The following PDE7A variants were observed in gnomAD, a reference collection of about 807,000 sequenced individuals.
The protein encoded by PDE7A is phosphodiesterase 7A.
Under a neutral mutation model 64.3 loss-of-function variants are expected in PDE7A, and 39 were observed. The observed-to-expected ratio is 0.61, with a 90% CI of 0.47 to 0.79. The LOEUF (loss-of-function observed/expected upper bound fraction) is 0.79. Among genes scored for constraint, PDE7A ranks in the 30% least tolerant of loss-of-function variants. PDE7A has a pLI of 0.00. For synonymous variants in PDE7A, 203 were observed against 206.8 expected, an observed-to-expected ratio of 0.98 and a Z score of 0.16; for missense variants, 470 against 582.8, an observed-to-expected ratio of 0.81 and a Z score of 1.99.
intron 4 of PDE7A, among the ~76,000 whole-genome samples, chr8:65,746,414 C>A (rs1807680292): frequency 6.6e-6 from 1 of 152,070 alleles, no homozygotes; most frequent in Non-Finnish European, 1.5e-5. Flanking sequence ...TTTAAAAAAA[C>A]ACTTCTAACT....
At chr8:65,821,543 G>C (rs990680304) in intron 1 of PDE7A, among the ~76,000 whole-genome samples, 1 of 152,202 alleles carries the variant, frequency 6.6e-6, no homozygotes, top group African/African-American at 2.4e-5. Flanking sequence ...TGAAGAGGAA[G>C]AAATGTGTAT....
chr8:65,817,771 G>A lies in PDE7A; in HGVS notation c.138+23600C>T, dbSNP rs557427468. Among the ~76,000 whole-genome samples, 34 of 108,722 alleles carry A rather than the reference G, an allele frequency of 3.1e-4. No individual in the cohort carries two copies. The East Asian group carries it at 8.8e-3, about 28-fold the overall frequency. 71.3% of individuals were successfully genotyped at this position (108,722 alleles called of 152,430 possible). A position where few individuals can be genotyped will look rare whatever the true frequency, so the allele number is the denominator to read the frequency against. ...AGGAGTGTTTTTTTTTTTTTTTTTC[G>A]AGATGGAGTCTCACTCTGTCGCCCA... is the stretch of plus-strand genomic sequence containing the variant. On this transcript the variant is annotated intron_variant, in intron 1 of 12. Coordinates refer to ENST00000401827, the MANE Select transcript of PDE7A (RefSeq NM_001242318.3).
chr8:65,790,071 G>C (rs1187262243), intron 1 of PDE7A, among the ~76,000 whole-genome samples: 1 of 152,238 alleles, frequency 6.6e-6, no homozygotes, highest in African/African-American at 2.4e-5. Context: ...GTGTGATGGT[G>C]CAAGAATTGT....
intron 1 of PDE7A, among the ~76,000 whole-genome samples, chr8:65,798,787 C>T (rs1449830131): frequency 2.0e-5 from 3 of 152,110 alleles, no homozygotes; most frequent in Non-Finnish European, 2.9e-5. Flanking sequence ...TGAAAAATAA[C>T]TTGAACACAA....
intron 3 of PDE7A, among the ~76,000 whole-genome samples, chr8:65,762,496 A>G (rs191406323): frequency 1.3e-5 from 2 of 152,258 alleles, no homozygotes; most frequent in Non-Finnish European, 2.9e-5. Context: ...TTGAATCCCA[A>G]TTCTGCCACT....
At chr8:65,789,995 C>T (rs769689502) in intron 1 of PDE7A, among the ~76,000 whole-genome samples, 11 of 152,226 alleles carry the variant, frequency 7.2e-5, no homozygotes, top group Admixed American at 2.0e-4. Flanking sequence ...GCCAACAAAC[C>T]TGAATCTGAC....
At chr8:65,802,067 A>G (rs1402166816) in intron 1 of PDE7A, among the ~76,000 whole-genome samples, 1 of 152,248 alleles carries the variant, frequency 6.6e-6, no homozygotes, top group Admixed American at 6.5e-5. Context: ...TCTACAAAGA[A>G]ATTTAAAAGT....
intron 3 of PDE7A, among the ~76,000 whole-genome samples, chr8:65,756,320 T>C (rs989908413): frequency 6.6e-6 from 1 of 152,232 alleles, no homozygotes; most frequent in Admixed American, 6.5e-5. Flanking sequence ...TTTGGGAAGT[T>C]TATTTTTTCA....
chr8:65,795,687 C>T (rs1006214576), intron 1 of PDE7A, among the ~76,000 whole-genome samples: 4 of 152,100 alleles, frequency 2.6e-5, no homozygotes, highest in Admixed American at 2.6e-4. Flanking sequence ...ACAAAACTTA[C>T]AATAAGCGTA....
intron 7 of PDE7A, chr8:65,728,303 T>A (rs1316547993): frequency 1.3e-5 from 2 of 151,908 alleles, no homozygotes; most frequent in African/African-American, 4.8e-5. Context: ...CTGAAAATTT[T>A]AAAAATGAGA....
chr8:65,811,315 C>T (rs1175506649), intron 1 of PDE7A, among the ~76,000 whole-genome samples: 2 of 152,300 alleles, frequency 1.3e-5, no homozygotes, highest in African/African-American at 2.4e-5. Flanking sequence ...CTACTGAACC[C>T]TAGTGAAGAC....
chr8:65,748,100 T>TG (rs1274955875), intron 3 of PDE7A, among the ~76,000 whole-genome samples: 7 of 151,948 alleles, frequency 4.6e-5, no homozygotes, highest in Middle Eastern at 3.4e-3. Flanking sequence ...ACGGTTTGTT[T>TG]TTTTTTTTAA....
At chr8:65,820,906 A>T (rs933713621) in intron 1 of PDE7A, among the ~76,000 whole-genome samples, 7 of 152,236 alleles carry the variant, frequency 4.6e-5, no homozygotes, top group Non-Finnish European at 1.0e-4. Context: ...GTTGATTTAA[A>T]CAACTGAGGA....
rs116420934 is a variant in PDE7A at position 65,725,340 on chromosome 8, A to G, written c.921-419T>C. ...GTGCCTGAGATCTGAAGGCAGAAGG[A>G]AGATTCAAATAGAAAGAATAATGGC... is the stretch of plus-strand genomic sequence containing the variant. On this transcript the variant is annotated intron_variant, in intron 9 of 12. Coordinates refer to ENST00000401827, the MANE Select transcript of PDE7A (RefSeq NM_001242318.3). 9.3e-3 allele frequency: 1,452 copies of G among 156,350 alleles called. 27 individuals are homozygous for G. Among genetic ancestry groups the G allele is most frequent in the African/African-American group, 0.033 (1,380 of 41,658 alleles). The allele number at this position is 156,350 out of a possible 1,614,324, so 9.7% of individuals were successfully genotyped here.
chr8:65,758,270 T>TC (rs766141494), intron 3 of PDE7A, among the ~76,000 whole-genome samples: 83 of 152,326 alleles, frequency 5.4e-4, no homozygotes, highest in African/African-American at 2.0e-3. Flanking sequence ...CATCAGGCCC[T>TC]CAGGAATTCT....
At chr8:65,745,998 A>G (rs1807657154) in intron 4 of PDE7A, among the ~76,000 whole-genome samples, 1 of 151,722 alleles carries the variant, frequency 6.6e-6, no homozygotes, top group South Asian at 2.1e-4. Context: ...CACAAACAAG[A>G]CGGCTCACTG....
chr8:65,762,581 C>A (rs1808555318), intron 3 of PDE7A, among the ~76,000 whole-genome samples: 3 of 152,064 alleles, frequency 2.0e-5, no homozygotes, highest in Admixed American at 6.6e-5. Context: ...AAATAGGCCC[C>A]ACAAGACTGT....
intron 7 of PDE7A, among the ~76,000 whole-genome samples, chr8:65,734,544 G>C (rs1807041170): frequency 6.6e-6 from 1 of 152,154 alleles, no homozygotes; most frequent in Non-Finnish European, 1.5e-5. Context: ...GTAAATGCCA[G>C]CAGTCGAGGT....
intron 1 of PDE7A, among the ~76,000 whole-genome samples, chr8:65,800,468 C>T (rs1229885803): frequency 6.6e-6 from 1 of 152,180 alleles, no homozygotes; most frequent in Non-Finnish European, 1.5e-5. Context: ...TTGCCTGTAG[C>T]TTCTGCTTTC....
Sources: gnomAD v4.1 joint callset for allele counts (sites outside exome capture counted in the v4.1 genomes callset) on GRCh38, gnomAD v4.1.1 for gene constraint, MANE v1.5 for transcripts, NCBI Gene and HGNC (gene_info 2026-07-23, HGNC 2026-07-21) for gene names.